The following IRAK2 variants were observed in gnomAD, a reference collection of about 807,000 sequenced individuals.
The protein encoded by IRAK2 is interleukin 1 receptor associated kinase 2, also known as interleukin-1 receptor-associated kinase-like 2.
In IRAK2, 57 loss-of-function variants were observed where a neutral mutation model predicts 72.0. The observed-to-expected ratio is 0.79, with a 90% CI of 0.64 to 0.99. The LOEUF (loss-of-function observed/expected upper bound fraction) is 0.99, where lower values mean the gene tolerates loss of function less well. Ranked by LOEUF, IRAK2 falls within the 50% of genes least tolerant of loss-of-function variation. The pLI is 0.00. For missense variants in IRAK2, 790 were observed against 794.4 expected (o/e 0.99, Z 0.07); for synonymous variants, 293 against 312.7 (o/e 0.94, Z 0.67).
At chr3:10,185,131 GT>G (rs1697034223) in intron 2 of IRAK2, among the ~76,000 whole-genome samples, 1 of 151,528 alleles carries the variant, frequency 6.6e-6, no homozygotes, top group African/African-American at 2.4e-5. Context: ...CTAAGCATCA[GT>G]ATCACCTGGG....
chr3:10,235,324 T>C (rs1697939054), intron 11 of IRAK2, among the ~76,000 whole-genome samples: 1 of 152,046 alleles, frequency 6.6e-6, no homozygotes, highest in Non-Finnish European at 1.5e-5. Flanking sequence ...TTTTTCTTTT[T>C]GAGACAGAGT....
chr3:10,205,207 G>A (rs1697417032), intron 3 of IRAK2, among the ~76,000 whole-genome samples: 1 of 152,122 alleles, frequency 6.6e-6, no homozygotes, highest in South Asian at 2.1e-4. Flanking sequence ...TGGACATACA[G>A]TGGGGGCCTT....
At chr3:10,191,659 T>G (rs992175952) in intron 2 of IRAK2, among the ~76,000 whole-genome samples, 3 of 152,160 alleles carry the variant, frequency 2.0e-5, no homozygotes, top group African/African-American at 7.2e-5. Flanking sequence ...CATTCTTCCA[T>G]GCTAGTCCTT....
rs755590826 is a variant in IRAK2, at chr3:10,219,770, A to T, written c.994A>T (p.Ile332Phe). 4 of 1,613,260 alleles carry T rather than the reference A, an allele frequency of 2.5e-6. No homozygotes were observed. In the South Asian group the frequency reaches 4.4e-5, roughly 18 times the overall value. ...CGAGTACCTGCATGGTCTGGAGATC[A>T]TCCACAGCAACGTCAAGAGGTGAGA... ...AVEYLHGLEI[I>F]HSNVKSSNVL... The change falls in exon 8 of 13, where the codon ATC becomes TTC. Residue 332 changes from isoleucine (I) to phenylalanine (F), a missense_variant. Transcript: ENST00000256458.
intron 2 of IRAK2, among the ~76,000 whole-genome samples, chr3:10,182,960 T>C (rs935571274): frequency 1.3e-5 from 2 of 152,002 alleles, no homozygotes; most frequent in African/African-American, 2.4e-5. Flanking sequence ...TTAATAGAGA[T>C]GGGGTTTCAC....
Position 10,199,667 on chromosome 3 carries a change from C to T in IRAK2, c.278-702C>T, listed in dbSNP as rs372072987. The stretch of plus-strand genomic sequence containing the variant: ...GTTCAGGGAAATGTGCAGTCTACAG[C>T]GCCCATTCCCATCTCTACTCTCCTT... On this transcript the variant is annotated intron_variant, in intron 2 of 12. Transcript: ENST00000256458. 3.3e-5 allele frequency among the ~76,000 whole-genome samples: 5 copies of T among 152,210 alleles called. 1 individual carries two copies. The South Asian group carries it at 6.2e-4, about 19-fold the overall frequency.
intron 1 of IRAK2, among the ~76,000 whole-genome samples, chr3:10,169,344 A>G (rs1282620721): frequency 6.6e-6 from 1 of 152,216 alleles, no homozygotes; most frequent in Non-Finnish European, 1.5e-5. Flanking sequence ...CAATCCTAGT[A>G]AGCCTGAGGG....
intron 2 of IRAK2, among the ~76,000 whole-genome samples, chr3:10,193,230 TCCC>T (rs1697204212): frequency 6.6e-6 from 1 of 152,068 alleles, no homozygotes; most frequent in Non-Finnish European, 1.5e-5. Context: ...CTTCTGCCCC[TCCC>T]CCATTTCCTC....
intron 2 of IRAK2, among the ~76,000 whole-genome samples, chr3:10,192,781 T>C (rs1697197952): frequency 6.6e-6 from 1 of 152,072 alleles, no homozygotes; most frequent in African/African-American, 2.4e-5. Flanking sequence ...TAGCCGGGCG[T>C]GATGGTGTCT....
intron 1 of IRAK2, among the ~76,000 whole-genome samples, chr3:10,175,302 T>C (rs2125141286): frequency 6.6e-6 from 1 of 152,082 alleles, no homozygotes; most frequent in East Asian, 1.9e-4. Flanking sequence ...AATTTTTGTA[T>C]TTTTAGTAGA....
chr3:10,215,789 C>G (rs1347094590), intron 6 of IRAK2, among the ~76,000 whole-genome samples: 1 of 146,466 alleles, frequency 6.8e-6, no homozygotes. Flanking sequence ...CACACACACA[C>G]ATACATCTAA....
chr3:10,206,292 C>A, intron 3 of IRAK2, among the ~76,000 whole-genome samples: 2 of 152,240 alleles, frequency 1.3e-5, no homozygotes, highest in Non-Finnish European at 2.9e-5. Context: ...AAGCATGGTC[C>A]GGATGCAGAT....
At chr3:10,240,435 T>C (rs552668190) in intron 12 of IRAK2, among the ~76,000 whole-genome samples, 1 of 137,888 alleles carries the variant, frequency 7.3e-6, no homozygotes, top group African/African-American at 2.8e-5. Flanking sequence ...CCAGCCTGGG[T>C]GACAGAGGAA....
At chr3:10,217,859 G>A (rs1219369109) in intron 7 of IRAK2, among the ~76,000 whole-genome samples, 1 of 152,178 alleles carries the variant, frequency 6.6e-6, no homozygotes, top group Non-Finnish European at 1.5e-5. Flanking sequence ...GGCACTCACT[G>A]TATGCAGGTT....
intron 12 of IRAK2, among the ~76,000 whole-genome samples, chr3:10,240,530 T>G: frequency 1.7e-5 from 1 of 58,142 alleles, no homozygotes; most frequent in African/African-American, 8.1e-5. Flanking sequence ...AAATAAAAAA[T>G]TAGGAAGCCC....
At chr3:10,231,919 G>A (rs536942030) in intron 10 of IRAK2, among the ~76,000 whole-genome samples, 2 of 152,256 alleles carry the variant, frequency 1.3e-5, no homozygotes, top group African/African-American at 2.4e-5. Flanking sequence ...AAGGTCAGGA[G>A]ATCGAGACCA....
At chr3:10,231,513 G>A (rs1026779832) in intron 10 of IRAK2, among the ~76,000 whole-genome samples, 2 of 151,972 alleles carry the variant, frequency 1.3e-5, no homozygotes, top group East Asian at 1.9e-4. Context: ...GGCTGGTCTC[G>A]AACTCCTGAG....
chr3:10,224,336 C>CA (rs202221336), intron 9 of IRAK2, among the ~76,000 whole-genome samples: 3,267 of 121,680 alleles, frequency 0.027, 110 homozygotes, highest in African/African-American at 0.086. Context: ...GATTCTGTCT[C>CA]AAAAAAAAAA....
At chr3:10,186,607 C>A (rs992034433) in intron 2 of IRAK2, among the ~76,000 whole-genome samples, 2 of 151,484 alleles carry the variant, frequency 1.3e-5, no homozygotes, top group Non-Finnish European at 2.9e-5. Flanking sequence ...TGGCAGAGAA[C>A]CTCTTCTGAG....
Sources: gnomAD v4.1 joint callset for allele counts (sites outside exome capture counted in the v4.1 genomes callset) on GRCh38, gnomAD v4.1.1 for gene constraint, MANE v1.5 for transcripts, NCBI Gene and HGNC (gene_info 2026-07-23, HGNC 2026-07-21) for gene names.